SDK2: variants seen among roughly 807,000 people sequenced by gnomAD.
SDK2 encodes sidekick cell adhesion molecule 2.
Under a neutral mutation model 253.9 loss-of-function variants are expected in SDK2, and 105 were observed. The observed-to-expected ratio is 0.41, with a 90% CI of 0.35 to 0.49. The LOEUF is 0.49. SDK2 is among the 20% of genes least tolerant of loss of function. The pLI is 0.06. For synonymous variants in SDK2, 1,249 were observed against 1,234.9 expected, an observed-to-expected ratio of 1.01 and a Z score of -0.24; for missense variants, 2,608 against 3,003.0, an observed-to-expected ratio of 0.87 and a Z score of 3.07.
intron 18 of SDK2, 44 bp from the exon 19 acceptor site, chr17:73,402,185 C>T: frequency 6.3e-7 from 1 of 1,581,846 alleles, no homozygotes; most frequent in Middle Eastern, 1.7e-4. Flanking sequence ...AGGAAGGTTC[C>T]AGAGGAGGCC....
At position 73,401,742 on chromosome 17, in the gene SDK2, G is replaced by T. The variant is rs768734909; in HGVS notation, c.2691C>A (p.Pro897=). The T allele has an allele frequency of 2.3e-5, 36 of 1,577,496 alleles. No homozygotes were observed. In the South Asian group the frequency reaches 4.1e-4, roughly 18 times the overall value. Residue 897 remains proline, a synonymous_variant, in exon 20 of 45, where the codon CCC becomes CCA. Coordinates refer to ENST00000392650, the MANE Select transcript of SDK2 (RefSeq NM_001144952.2). ...TCTCACTGAAGCTCAGGTGTCCCAC[G>T]GGCCCAGGCACTGCACCCCAAAAGG... is the stretch of plus-strand genomic sequence containing the variant. ...LVRTHEDVPG[P]VGHLSFSEIL...
At position 73,419,311 on chromosome 17, in the gene SDK2, A is replaced by G. The variant is rs776386825; in HGVS notation, c.2046-5T>C. 1 of 1,610,744 alleles carries G rather than the reference A, an allele frequency of 6.2e-7. No individual in the cohort carries two copies. Among genetic ancestry groups the G allele is most frequent in the Non-Finnish European group, 8.5e-7 (1 of 1,179,450 alleles). On this transcript the variant is annotated splice_polypyrimidine_tract_variant and splice_region_variant and intron_variant, in intron 15 of 44. Transcript: ENST00000392650. Reference sequence around the variant, plus strand: ...GGCTCCTCGGGGAGGGAGACCCTGGATCACAAAACACCAATGCTCTTAGTC... The same window carrying G: ...GGCTCCTCGGGGAGGGAGACCCTGGGTCACAAAACACCAATGCTCTTAGTC...
At chr17:73,552,123 T>C (rs1338947459) in intron 1 of SDK2, among the ~76,000 whole-genome samples, 1 of 151,030 alleles carries the variant, frequency 6.6e-6, no homozygotes, top group Non-Finnish European at 1.5e-5. Flanking sequence ...GCTCTAAATC[T>C]CTCTGACATA....
At chr17:73,492,144 T>C (rs1217239315) in intron 2 of SDK2, among the ~76,000 whole-genome samples, 1 of 152,148 alleles carries the variant, frequency 6.6e-6, no homozygotes, top group East Asian at 1.9e-4. Flanking sequence ...TGCACCCAGC[T>C]GTCCCCACCA....
intron 1 of SDK2, among the ~76,000 whole-genome samples, chr17:73,550,208 A>C (rs2045032503): frequency 6.6e-6 from 1 of 151,724 alleles, no homozygotes; most frequent in African/African-American, 2.4e-5. Flanking sequence ...CTGCTGCAGC[A>C]GGGGGCCAGG....
chr17:73,421,572 T>TC (rs1555766553), intron 15 of SDK2, among the ~76,000 whole-genome samples: 1 of 102,318 alleles, frequency 9.8e-6, no homozygotes, highest in African/African-American at 3.6e-5. Context: ...TCAATTTCCA[T>TC]CTTTTTTTTT....
chr17:73,619,438 C>G (rs906893869), intron 1 of SDK2, among the ~76,000 whole-genome samples: 1 of 152,156 alleles, frequency 6.6e-6, no homozygotes, highest in Non-Finnish European at 1.5e-5. Flanking sequence ...AGTCTATATG[C>G]ATCTATGGCC....
chr17:73,432,609 T>G (rs576173689), intron 10 of SDK2, among the ~76,000 whole-genome samples: 11 of 149,312 alleles, frequency 7.4e-5, no homozygotes, highest in Non-Finnish European at 1.6e-4. Context: ...AGACAGGCCA[T>G]GAGCTAGGTA....
intron 1 of SDK2, among the ~76,000 whole-genome samples, chr17:73,548,027 G>T (rs2044993352): frequency 6.6e-6 from 1 of 152,148 alleles, no homozygotes; most frequent in Non-Finnish European, 1.5e-5. Context: ...TAAATCTTCA[G>T]ATCTTGTGAG....
At chr17:73,564,504 C>T (rs1197536997) in intron 1 of SDK2, among the ~76,000 whole-genome samples, 2 of 152,190 alleles carry the variant, frequency 1.3e-5, no homozygotes, top group Non-Finnish European at 2.9e-5. Flanking sequence ...TGGTGTCCTG[C>T]CCTGCTCCCT....
rs1298371444 is a variant in SDK2, at chr17:73,336,514, A to T, written c.*2073T>A. 2 of 152,608 alleles carry T rather than the reference A, an allele frequency of 1.3e-5. No homozygotes were observed. Among genetic ancestry groups the T allele is most frequent in the Non-Finnish European group, 2.9e-5 (2 of 68,040 alleles). The allele number at this position is 152,608 out of a possible 1,614,324, so 9.5% of individuals were successfully genotyped here. On this transcript the variant is annotated 3_prime_UTR_variant, in exon 45 of 45. Transcript: ENST00000392650. ...TGGCCTGTCTGCTGAGCCATCTTCC[A>T]GCATCTCCCCGTTCACATTTCCCAG...
chr17:73,390,804 C>T (rs73345957), intron 28 of SDK2, among the ~76,000 whole-genome samples: 8,842 of 152,282 alleles, frequency 0.058, 861 homozygotes, highest in African/African-American at 0.2. Flanking sequence ...GAATCCCAGC[C>T]CAGGTCTTTC....
At chr17:73,365,656 G>A (rs913425449) in intron 37 of SDK2, among the ~76,000 whole-genome samples, 1 of 152,136 alleles carries the variant, frequency 6.6e-6, no homozygotes, top group African/African-American at 2.4e-5. Flanking sequence ...CAGAATTCAG[G>A]CTTCTCCCTG....
chr17:73,370,470 T>C (rs1599492888), intron 36 of SDK2, among the ~76,000 whole-genome samples: 2 of 152,028 alleles, frequency 1.3e-5, no homozygotes, highest in South Asian at 4.1e-4. Context: ...CTTGAACTCC[T>C]GGGCTCAAGC....
chr17:73,591,865 C>T (rs2045686520), intron 1 of SDK2, among the ~76,000 whole-genome samples: 1 of 152,174 alleles, frequency 6.6e-6, no homozygotes, highest in African/African-American at 2.4e-5. Flanking sequence ...GAAGCCTCCT[C>T]ATCTTCAAAG....
intron 1 of SDK2, among the ~76,000 whole-genome samples, chr17:73,622,413 G>A (rs1251718918): frequency 6.6e-6 from 1 of 152,238 alleles, no homozygotes; most frequent in Non-Finnish European, 1.5e-5. Flanking sequence ...CTGAACTACA[G>A]TATGATGCTT....
intron 1 of SDK2, among the ~76,000 whole-genome samples, chr17:73,522,146 G>A (rs372383225): frequency 6.9e-6 from 1 of 145,408 alleles, no homozygotes; most frequent in Non-Finnish European, 1.6e-5. Flanking sequence ...CAAGGCCGGT[G>A]TCATCAAAGA....
At chr17:73,590,210 A>G (rs72845790) in intron 1 of SDK2, among the ~76,000 whole-genome samples, 2,216 of 152,332 alleles carry the variant, frequency 0.015, 23 homozygotes, top group Middle Eastern at 0.024. Context: ...TGCAGGGTGG[A>G]TGGAAAGGTA....
chr17:73,497,928 G>A (rs1044427018), intron 2 of SDK2, among the ~76,000 whole-genome samples: 1 of 152,120 alleles, frequency 6.6e-6, no homozygotes, highest in African/African-American at 2.4e-5. Flanking sequence ...CCAGACACAA[G>A]GTCCTTGGAT....
Sources: gnomAD v4.1 joint callset for allele counts (sites outside exome capture counted in the v4.1 genomes callset) on GRCh38, gnomAD v4.1.1 for gene constraint, MANE v1.5 for transcripts, NCBI Gene and HGNC (gene_info 2026-07-23, HGNC 2026-07-21) for gene names.